ALKBH4: variants seen among roughly 807,000 people sequenced by gnomAD.
ALKBH4 encodes alkB homolog 4, lysine demethylase, also known as alpha-ketoglutarate-dependent dioxygenase alkB homolog 4.
Under a neutral mutation model 12.1 loss-of-function variants are expected in ALKBH4, and 8 were observed. The ratio of observed to expected loss-of-function variants is 0.66; its 90% CI spans 0.39 to 1.19. The LOEUF is 1.19. ALKBH4 is among the 50% of genes most tolerant of loss of function. The pLI is 0.01. For missense variants in ALKBH4, 403 were observed against 430.4 expected (o/e 0.94, Z 0.56); for synonymous variants, 195 against 191.6 (o/e 1.02, Z -0.15).
chr7:102,461,104 A>G (rs918729286), intron 1 of ALKBH4, among the ~76,000 whole-genome samples: 4 of 152,156 alleles, frequency 2.6e-5, no homozygotes, highest in South Asian at 2.1e-4. Context: ...TGGGAGGCCA[A>G]GGTGGACTGA....
chr7:102,459,070 C>T (rs1314649763), intron 2 of ALKBH4, among the ~76,000 whole-genome samples: 5 of 149,068 alleles, frequency 3.4e-5, no homozygotes, highest in South Asian at 4.3e-4. Context: ...GGCTTGAACC[C>T]GGGAAGCAGA....
intron 1 of ALKBH4, among the ~76,000 whole-genome samples, chr7:102,464,027 G>A (rs1353760535): frequency 6.7e-6 from 1 of 149,714 alleles, no homozygotes; most frequent in Non-Finnish European, 1.5e-5. Context: ...GGGAGCATCT[G>A]TGATCAGACC....
At chr7:102,461,198 G>A (rs552279073) in intron 1 of ALKBH4, among the ~76,000 whole-genome samples, 36 of 152,070 alleles carry the variant, frequency 2.4e-4, no homozygotes, top group African/African-American at 7.7e-4. Context: ...CTAGCCGGGC[G>A]TCGTGGTGCA....
intron 1 of ALKBH4, among the ~76,000 whole-genome samples, chr7:102,461,300 G>A (rs891032949): frequency 4.5e-4 from 68 of 152,094 alleles, no homozygotes; most frequent in Non-Finnish European, 7.8e-4. Context: ...TCGTGCTAGT[G>A]GACACCAGCC....
rs10234267 is a variant in ALKBH4, at chr7:102,463,609, C to T, written c.123+1105G>A. 2.0e-3 allele frequency among the ~76,000 whole-genome samples: 310 copies of T among 151,752 alleles called. 1 individual carries two copies. Among genetic ancestry groups the T allele is most frequent in the African/African-American group, 6.9e-3 (284 of 41,360 alleles). On this transcript the variant is annotated intron_variant, in intron 1 of 2. Transcript: ENST00000292566. ...CCTCCCAAAGTGCTGGGATTACAGG[C>T]GTGAGCCACTGAACCCGGCCCAGGT...
At chr7:102,460,574 G>C (rs1377116558) in intron 1 of ALKBH4, among the ~76,000 whole-genome samples, 1 of 152,176 alleles carries the variant, frequency 6.6e-6, no homozygotes, top group African/African-American at 2.4e-5. Flanking sequence ...CCCTGTAAAA[G>C]AGAAGGGTTT....
intron 1 of ALKBH4, among the ~76,000 whole-genome samples, chr7:102,464,487 C>A (rs116964296): frequency 1.3e-5 from 2 of 152,094 alleles, no homozygotes; most frequent in African/African-American, 4.8e-5. Context: ...ACAGGCAGAT[C>A]CCCCCAGAGT....
chr7:102,461,576 G>C (rs2133254548), intron 1 of ALKBH4, among the ~76,000 whole-genome samples: 1 of 152,194 alleles, frequency 6.6e-6, no homozygotes, highest in East Asian at 1.9e-4. Context: ...TGTTGACCAG[G>C]ATGGTCTTGA....
At chr7:102,462,955 C>CT (rs200495061) in intron 1 of ALKBH4, among the ~76,000 whole-genome samples, 34,545 of 121,474 alleles carry the variant, frequency 0.28, 5,920 homozygotes, top group South Asian at 0.35. Context: ...TCAAAATGTC[C>CT]TTTTTTTTTT....
In ALKBH4 at chr7:102,464,849, G is replaced by C. The variant is rs377352749; in HGVS notation, c.-13C>G. On this transcript the variant is annotated 5_prime_UTR_variant, in exon 1 of 3. Transcript: ENST00000292566. Reference sequence around the variant, plus strand: ...CAGCCGCCGCCATCGCGCCGTCCGCGTGGCCAGTGCGCAGGCGCGGCCGTG... The same window carrying C: ...CAGCCGCCGCCATCGCGCCGTCCGCCTGGCCAGTGCGCAGGCGCGGCCGTG... 2.7e-6 allele frequency: 4 copies of C among 1,499,996 alleles called. No individual in the cohort carries two copies. The highest frequency in any genetic ancestry group is 3.5e-6 in the Non-Finnish European group (4 of 1,129,748). 92.9% of individuals were successfully genotyped at this position (1,499,996 alleles called of 1,614,324 possible). A position where few individuals can be genotyped will look rare whatever the true frequency, so the allele number is the denominator to read the frequency against.
rs748144049 is a variant in ALKBH4 at position 102,457,776 on chromosome 7, C to A, written c.527G>T (p.Trp176Leu). 42 of 1,599,000 alleles carry A rather than the reference C, an allele frequency of 2.6e-5. No individual in the cohort carries two copies. Among genetic ancestry groups the A allele is most frequent in the African/African-American group, 1.3e-4 (10 of 74,790 alleles). The change falls in exon 3 of 3, where the codon TGG (tryptophan) becomes TTG (leucine). Residue 176 changes from tryptophan to leucine, a missense_variant. Transcript: ENST00000292566. The surrounding 1 kb of genome is among the most constrained non-coding windows in gnomAD (Gnocchi z 5.9). Reference sequence around the variant, plus strand: ...GTTGAGGCTGACCAGCCGCTCCCCCCACAGCCAGGCGTCGTCCAGGTGGGG... The same window carrying A: ...GTTGAGGCTGACCAGCCGCTCCCCCAACAGCCAGGCGTCGTCCAGGTGGGG... ...IDPHLDDAWL[W>L]GERLVSLNLL... is the part of the protein sequence containing the mutation.
In ALKBH4 at chr7:102,464,777, G is replaced by T; in HGVS notation, c.60C>A (p.Ile20=). The change falls in exon 1 of 3, where the codon ATC becomes ATA. Residue 20 remains isoleucine (I), a synonymous_variant. Coordinates refer to ENST00000292566, the MANE Select transcript of ALKBH4 (RefSeq NM_017621.4). ...GCCGCTCGCAGATCAGACAGGTCCG[G>T]ATGCCCTTGCAACCGCATTCCCGAA... The part of the protein sequence containing the change: ...EVLRECGCKG[I]RTCLICERQR... 1.3e-6 allele frequency: 2 copies of T among 1,573,518 alleles called. No individual in the cohort carries two copies. Among genetic ancestry groups the T allele is most frequent in the Non-Finnish European group, 1.7e-6 (2 of 1,163,738 alleles).
At chr7:102,458,481 A>G in intron 2 of ALKBH4, among the ~76,000 whole-genome samples, 1 of 152,118 alleles carries the variant, frequency 6.6e-6, no homozygotes, top group Non-Finnish European at 1.5e-5. Flanking sequence ...AGGTGAGAGG[A>G]CTGTTGGAGC....
chr7:102,457,839 T>C lies in ALKBH4; in HGVS notation c.464A>G (p.Asn155Ser). ...GCCCCGCTCGGGGCAGTAGTCCAGG[T>C]TGCACTGCTCGACGGGCCGGAAGCC... ...LEGFRPVEQC[N>S]LDYCPERGSA... The change falls in exon 3 of 3, where the codon AAC (asparagine) becomes AGC (serine). Residue 155 changes from asparagine (N) to serine (S), a missense_variant. Transcript: ENST00000292566. The surrounding 1 kb of genome is among the most constrained non-coding windows in gnomAD (Gnocchi z 5.9). 6.2e-7 allele frequency: 1 copy of C among 1,611,174 alleles called. No individual in the cohort carries two copies. The highest frequency in any genetic ancestry group is 8.5e-7 in the Non-Finnish European group (1 of 1,179,922).
At chr7:102,458,186 C>G (rs918079018) in intron 2 of ALKBH4, among the ~76,000 whole-genome samples, 1 of 152,136 alleles carries the variant, frequency 6.6e-6, no homozygotes, top group South Asian at 2.1e-4. Flanking sequence ...GTAATCCCAG[C>G]GCTTTGGAAG....
chr7:102,461,268 T>C (rs1163210228), intron 1 of ALKBH4, among the ~76,000 whole-genome samples: 1 of 151,626 alleles, frequency 6.6e-6, no homozygotes, highest in South Asian at 2.1e-4. Context: ...ACCCGGGAGG[T>C]GGAGATTGCA....
In ALKBH4 at chr7:102,459,335, G is replaced by T. The variant is rs190373873; in HGVS notation, c.321+269C>A. 235 of 367,774 alleles carry T rather than the reference G, an allele frequency of 6.4e-4. 2 individuals are homozygous for T. The highest frequency in any genetic ancestry group is 4.6e-3 in the African/African-American group (222 of 48,544). The allele number at this position is 367,774 out of a possible 1,614,324, so 22.8% of individuals were successfully genotyped here. On this transcript the variant is annotated intron_variant, in intron 2 of 2. Coordinates refer to ENST00000292566, the MANE Select transcript of ALKBH4 (RefSeq NM_017621.4). The stretch of plus-strand genomic sequence containing the variant: ...CGCCTGCAGCTTGGGAGAATGGGGT[G>T]CCTTCACCACCACCAAGCCAGCTAC...
In ALKBH4 at chr7:102,457,219, G is replaced by C; in HGVS notation, c.*175C>G. The C allele has an allele frequency of 1.5e-6, 1 of 677,428 alleles. No homozygotes were observed. The highest frequency in any genetic ancestry group is 2.4e-6 in the Non-Finnish European group (1 of 415,578). The allele number at this position is 677,428 out of a possible 1,614,324, so 42.0% of individuals were successfully genotyped here. A position where few individuals can be genotyped will look rare whatever the true frequency, so the allele number is the denominator to read the frequency against. On this transcript the variant is annotated 3_prime_UTR_variant, in exon 3 of 3. Transcript: ENST00000292566. The surrounding 1 kb of genome is among the most constrained non-coding windows in gnomAD (Gnocchi z 5.9). ...AAGTGTGGCCACGGTCCAGGTGGAA[G>C]GGGGCTGCCTGGAGGTACGTTCCCA...
Position 102,457,362 on chromosome 7 carries a change from G to C in ALKBH4, c.*32C>G. On this transcript the variant is annotated 3_prime_UTR_variant, in exon 3 of 3. Coordinates refer to ENST00000292566, the MANE Select transcript of ALKBH4 (RefSeq NM_017621.4). The surrounding 1 kb of genome is among the most constrained non-coding windows in gnomAD (Gnocchi z 5.9). ...TTCTGTGCTCCTCATTTCAATCCCGGGATCAGTCAAGTCTGGAGCCAAGGA... is the reference window on the plus strand; with the variant it reads ...TTCTGTGCTCCTCATTTCAATCCCGCGATCAGTCAAGTCTGGAGCCAAGGA... The C allele has an allele frequency of 1.3e-6, 2 of 1,580,868 alleles. No homozygotes were observed. The highest frequency in any genetic ancestry group is 1.7e-6 in the Non-Finnish European group (2 of 1,158,316).
Sources: allele counts gnomAD v4.1 joint callset (sites outside exome capture counted in the v4.1 genomes callset), GRCh38; gene constraint gnomAD v4.1.1; non-coding constraint Gnocchi (gnomAD v3.1); transcripts MANE v1.5; gene names NCBI Gene and HGNC (gene_info 2026-07-23, HGNC 2026-07-21).